The following NNT variants were observed in gnomAD, a reference collection of about 807,000 sequenced individuals.
NNT encodes NAD(P) transhydrogenase, mitochondrial.
Under a neutral mutation model 104.8 loss-of-function variants are expected in NNT, and 50 were observed. That is an observed-to-expected ratio of 0.48 (90% CI 0.38 to 0.60). The LOEUF is 0.60. Among genes scored for constraint, NNT ranks in the 20% least tolerant of loss-of-function variants. The pLI, the probability that NNT is intolerant of heterozygous loss-of-function variation, is 0.00. For missense variants in NNT, 1,131 were observed against 1,330.7 expected (o/e 0.85, Z 2.33); for synonymous variants, 461 against 490.4 (o/e 0.94, Z 0.79).
rs374293865 is a variant in NNT, at chr5:43,604,476, T to C, written c.-54+1182T>C. On this transcript the variant is annotated intron_variant, in intron 1 of 21. Coordinates refer to ENST00000344920, the MANE Select transcript of NNT (RefSeq NM_182977.3). ...TCCACAAGGCTACACAAACATTTCC[T>C]TTTCAAAGGAAATTTTCCGAAAATC... is the stretch of plus-strand genomic sequence containing the variant. Among the ~76,000 whole-genome samples, 24 of 152,308 alleles carry C rather than the reference T, an allele frequency of 1.6e-4. No individual in the cohort carries two copies. The South Asian group carries it at 5.0e-3, about 32-fold the overall frequency.
chr5:43,605,270 A>C (rs1749144366), intron 1 of NNT, among the ~76,000 whole-genome samples: 1 of 151,368 alleles, frequency 6.6e-6, no homozygotes, highest in Admixed American at 6.6e-5. Flanking sequence ...TAATCCCAGC[A>C]CTTTGGGAGG....
intron 1 of NNT, among the ~76,000 whole-genome samples, chr5:43,604,315 T>C (rs1749092499): frequency 6.6e-6 from 1 of 152,190 alleles, no homozygotes; most frequent in African/African-American, 2.4e-5. Context: ...CTACTCTTCT[T>C]ATTTAAAGTG....
At chr5:43,642,279 T>C (rs1751278015) in intron 7 of NNT, among the ~76,000 whole-genome samples, 1 of 152,278 alleles carries the variant, frequency 6.6e-6, no homozygotes, top group Middle Eastern at 3.4e-3. Flanking sequence ...CCCTCTATGT[T>C]GAGGCGGCCA....
Position 43,644,295 on chromosome 5 carries a change from C to A in NNT, c.1068C>A (p.Thr356=). ...CTGAGGCTGGTGGAAACTTTGAAAC[C>A]ACTAAGCCAGGAGAACTCTACATTC... ...LAAEAGGNFE[T]TKPGELYIHK... is the part of the protein sequence containing the mutation. The change falls in exon 8 of 22, where the codon ACC becomes ACA. Residue 356 remains threonine (T), a synonymous_variant. Transcript: ENST00000344920. 6.2e-7 allele frequency: 1 copy of A among 1,613,854 alleles called. No individual in the cohort carries two copies. Among genetic ancestry groups the A allele is most frequent in the Non-Finnish European group, 8.5e-7 (1 of 1,179,960 alleles).
At chr5:43,681,606 G>A (rs113365420) in intron 19 of NNT, among the ~76,000 whole-genome samples, 32 of 152,112 alleles carry the variant, frequency 2.1e-4, no homozygotes, top group African/African-American at 7.2e-4. Flanking sequence ...CGCCACGTTG[G>A]CCAGGCTGGT....
rs537320518 is a variant in NNT, at chr5:43,638,177, A to G, written c.965-6015A>G. ...GAACATGTTTGCTTCCCTTTCTGCC[A>G]TGATTGTAAGTTTCCTCAAGTCTCC... On this transcript the variant is annotated intron_variant, in intron 7 of 21. Coordinates refer to ENST00000344920, the MANE Select transcript of NNT (RefSeq NM_182977.3). Among the ~76,000 whole-genome samples the G allele has an allele frequency of 1.1e-3, 173 of 152,290 alleles. 2 individuals are homozygous for G. The highest frequency in any genetic ancestry group is 3.4e-3 in the Middle Eastern group (1 of 294).
intron 19 of NNT, among the ~76,000 whole-genome samples, chr5:43,689,567 G>A (rs1742157923): frequency 6.6e-6 from 1 of 152,104 alleles, no homozygotes; most frequent in Non-Finnish European, 1.5e-5. Flanking sequence ...GTTGATTTTT[G>A]TATAAGGTGA....
At chr5:43,644,857 T>C (rs1751415057) in intron 9 of NNT, 55 bp downstream of exon 9, 2 of 1,426,680 alleles carry the variant, frequency 1.4e-6, no homozygotes, top group South Asian at 1.4e-5. Context: ...TGTTTTAGAA[T>C]TTCTGTTTAT....
intron 5 of NNT, among the ~76,000 whole-genome samples, chr5:43,622,331 C>A (rs1392837536): frequency 1.3e-5 from 2 of 152,160 alleles, no homozygotes; most frequent in African/African-American, 4.8e-5. Flanking sequence ...TGGGGAAGGC[C>A]AGAGGAGGGG....
At chr5:43,650,369 T>C in intron 11 of NNT, 108 bp from the exon 12 acceptor site, 1 of 713,162 alleles carries the variant, frequency 1.4e-6, no homozygotes, top group South Asian at 2.3e-5. Context: ...TTTTTTAATA[T>C]TGAGAACTTT....
At chr5:43,678,517 C>T (rs528129139) in intron 19 of NNT, among the ~76,000 whole-genome samples, 4 of 152,010 alleles carry the variant, frequency 2.6e-5, no homozygotes, top group South Asian at 2.1e-4. Context: ...ATGGGGAAAT[C>T]GGATGTCTTG....
At chr5:43,698,700 A>G (rs933128658) in intron 19 of NNT, among the ~76,000 whole-genome samples, 1 of 152,076 alleles carries the variant, frequency 6.6e-6, no homozygotes, top group South Asian at 2.1e-4. Context: ...GTTTCATTAT[A>G]TCTTGTTTCA....
At chr5:43,665,710 C>T (rs183612441) in intron 17 of NNT, among the ~76,000 whole-genome samples, 15,339 of 119,456 alleles carry the variant, frequency 0.13, 1,949 homozygotes, top group Middle Eastern at 0.21. Context: ...AAACCGCCAT[C>T]GTCATCATGG....
Position 43,659,277 on chromosome 5 carries a change from A to G in NNT, c.2561A>G (p.Asn854Ser), listed in dbSNP as rs1231439329. The G allele has an allele frequency of 1.9e-6, 3 of 1,614,066 alleles. No homozygotes were observed. Among genetic ancestry groups the G allele is most frequent in the Admixed American group, 1.7e-5 (1 of 60,014 alleles). ...CTGTGTGCAGAGGGCTTCCTGCTCA[A>G]CAACAATCTGCTGACCATCGTGGGT... ...WALCAEGFLL[N>S]NNLLTIVGAL... The change falls in exon 17 of 22, where the codon AAC becomes AGC. Residue 854 changes from asparagine (N) to serine (S), a missense_variant. By Grantham distance (46) the Asn-to-Ser change is conservative. Transcript: ENST00000344920.
At chr5:43,669,869 C>A (rs988802696) in intron 17 of NNT, among the ~76,000 whole-genome samples, 17 of 152,150 alleles carry the variant, frequency 1.1e-4, no homozygotes, top group African/African-American at 3.1e-4. Flanking sequence ...CCAGCTCCTT[C>A]TTGTACCTCT....
intron 4 of NNT, among the ~76,000 whole-genome samples, chr5:43,616,526 A>G (rs980181003): frequency 6.6e-6 from 1 of 152,236 alleles, no homozygotes; most frequent in Non-Finnish European, 1.5e-5. Context: ...TTTAAAGAAT[A>G]GGAAAAAGGT....
intron 19 of NNT, among the ~76,000 whole-genome samples, chr5:43,691,068 A>AGTGTGT (rs1230738676): frequency 7.5e-6 from 1 of 133,928 alleles, no homozygotes; most frequent in African/African-American, 2.9e-5. Context: ...TTTTTTTGAG[A>AGTGTGT]GAGTGTGTGT....
chr5:43,641,746 A>G (rs914465728), intron 7 of NNT, among the ~76,000 whole-genome samples: 13 of 152,190 alleles, frequency 8.5e-5, no homozygotes, highest in African/African-American at 2.7e-4. Flanking sequence ...CAGTCTGTAC[A>G]CCAAATAAGT....
intron 16 of NNT, 64 bp downstream of exon 16, chr5:43,656,877 A>C: frequency 6.9e-7 from 1 of 1,451,202 alleles, no homozygotes; most frequent in South Asian, 1.4e-5. Context: ...TGTTAGATTA[A>C]AGTGTAATCA....
Sources: allele counts gnomAD v4.1 joint callset (sites outside exome capture counted in the v4.1 genomes callset), GRCh38; gene constraint gnomAD v4.1.1; transcripts MANE v1.5; gene names NCBI Gene and HGNC (gene_info 2026-07-23, HGNC 2026-07-21).